Variants in PLXNA2 observed in about 807,000 individuals in gnomAD.
PLXNA2 encodes the protein plexin A2.
PLXNA2 carries 91 observed loss-of-function variants against 193.5 expected under a neutral mutation model. The ratio of observed to expected loss-of-function variants is 0.47; its 90% CI spans 0.40 to 0.56. The LOEUF (loss-of-function observed/expected upper bound fraction) is 0.56, where lower values mean the gene tolerates loss of function less well. PLXNA2 is among the 20% of genes least tolerant of loss of function. The pLI, the probability that PLXNA2 is intolerant of heterozygous loss-of-function variation, is 0.00. For missense variants in PLXNA2, 1,995 were observed against 2,503.2 expected (o/e 0.80, Z 4.33); for synonymous variants, 997 against 1,027.3 (o/e 0.97, Z 0.56).
At chr1:208,211,956 G>C (rs568812417) in intron 2 of PLXNA2, among the ~76,000 whole-genome samples, 2 of 152,340 alleles carry the variant, frequency 1.3e-5, no homozygotes, top group African/African-American at 4.8e-5. Flanking sequence ...TGCTCAGCAC[G>C]GGGCTGGGTC....
Position 208,031,663 on chromosome 1 carries a change from C to T in PLXNA2, c.5152G>A (p.Asp1718Asn). ...ALPLAIKYMF[D>N]FLDEQADRHS... ...CTGTCTGCCTGCTCATCTAGGAAATCAAACATGTACTTGATGGCCAGGGGG... is the reference window on the plus strand; with the variant it reads ...CTGTCTGCCTGCTCATCTAGGAAATTAAACATGTACTTGATGGCCAGGGGG... The change falls in exon 29 of 32, where the codon GAT (aspartate) becomes AAT (asparagine). Residue 1718 changes from aspartate (D) to asparagine (N), a missense_variant. Physicochemically the swap from Asp to Asn is conservative, Grantham distance 23. This residue lies in a region of PLXNA2 where 1,291 missense variants were observed against 1,673.6 expected (regional missense o/e 0.77). Transcript: ENST00000367033. 8.1e-6 allele frequency: 13 copies of T among 1,613,864 alleles called. No homozygotes were observed. Among genetic ancestry groups the T allele is most frequent in the Non-Finnish European group, 1.1e-5 (13 of 1,179,976 alleles).
intron 4 of PLXNA2, among the ~76,000 whole-genome samples, chr1:208,136,099 C>G (rs1668292917): frequency 6.6e-6 from 1 of 152,116 alleles, no homozygotes; most frequent in Admixed American, 6.6e-5. Context: ...CTTCCACTTC[C>G]CAGACATGTA....
intron 31 of PLXNA2, 74 bp downstream of exon 31, chr1:208,027,935 A>T: frequency 7.3e-7 from 1 of 1,364,324 alleles, no homozygotes. Context: ...CTAAATTGCC[A>T]TCTATTTAAG....
intron 10 of PLXNA2, 103 bp downstream of exon 10, chr1:208,084,277 G>T: frequency 8.0e-7 from 1 of 1,243,460 alleles, no homozygotes; most frequent in Non-Finnish European, 1.1e-6. Flanking sequence ...CTCAGCCTGT[G>T]AACCTGGAAG....
chr1:208,129,088 T>G (rs1379660272), intron 4 of PLXNA2, among the ~76,000 whole-genome samples: 1 of 152,172 alleles, frequency 6.6e-6, no homozygotes, highest in Non-Finnish European at 1.5e-5. Flanking sequence ...CTGCCTGTAA[T>G]AAATGCTGCA....
intron 1 of PLXNA2, among the ~76,000 whole-genome samples, chr1:208,242,985 G>A (rs566373073): frequency 7.1e-4 from 108 of 152,276 alleles, no homozygotes; most frequent in Non-Finnish European, 1.2e-3. Flanking sequence ...GCACTCCTGT[G>A]GTGCTCAAAC....
At chr1:208,172,350 G>C (rs1191799669) in intron 3 of PLXNA2, among the ~76,000 whole-genome samples, 1 of 152,020 alleles carries the variant, frequency 6.6e-6, no homozygotes, top group Non-Finnish European at 1.5e-5. Flanking sequence ...TTTGTAAAAA[G>C]TGTGTTCTGT....
rs147966468 is a variant in PLXNA2, at chr1:208,060,420, C to T, written c.2738+266G>A. On this transcript the variant is annotated intron_variant, in intron 13 of 31. Coordinates refer to ENST00000367033, the MANE Select transcript of PLXNA2 (RefSeq NM_025179.4). The stretch of plus-strand genomic sequence containing the variant: ...AGGAGGAAATGCTCAGTCACACTGG[C>T]GGGCAGGCAAAGACTGAATGAGGGA... Among the ~76,000 whole-genome samples the T allele has an allele frequency of 1.5e-3, 231 of 152,228 alleles. 1 individual carries two copies. The highest frequency in any genetic ancestry group is 5.0e-3 in the African/African-American group (208 of 41,540).
chr1:208,095,938 G>A (rs1666870464), intron 8 of PLXNA2, 91 bp downstream of exon 8: 3 of 967,344 alleles, frequency 3.1e-6, no homozygotes, highest in Non-Finnish European at 5.0e-6. Flanking sequence ...CTACAACGTG[G>A]TTCCTGCCCT....
At chr1:208,191,247 C>G (rs1443176079) in intron 3 of PLXNA2, among the ~76,000 whole-genome samples, 3 of 152,208 alleles carry the variant, frequency 2.0e-5, no homozygotes, top group Admixed American at 2.0e-4. Flanking sequence ...CTGCAAGCGC[C>G]TTTGACTCAC....
At chr1:208,151,090 A>C (rs1186068648) in intron 3 of PLXNA2, among the ~76,000 whole-genome samples, 1 of 152,250 alleles carries the variant, frequency 6.6e-6, no homozygotes, top group African/African-American at 2.4e-5. Flanking sequence ...GGGAAACAAT[A>C]AGATAAACAC....
chr1:208,186,565 C>T (rs536828529), intron 3 of PLXNA2, among the ~76,000 whole-genome samples: 9 of 152,216 alleles, frequency 5.9e-5, no homozygotes, highest in African/African-American at 2.2e-4. Flanking sequence ...TGTTTAATGA[C>T]AGTGTCAAGA....
At chr1:208,098,458 T>TCA (rs56677339) in intron 6 of PLXNA2, among the ~76,000 whole-genome samples, 27,697 of 122,992 alleles carry the variant, frequency 0.23, 3,710 homozygotes, top group Non-Finnish European at 0.3. Context: ...TCTCTCTCTC[T>TCA]CACACACACA....
chr1:208,082,457 C>A lies in PLXNA2; in HGVS notation c.2350G>T (p.Val784Leu), dbSNP rs1186345307. The A allele has an allele frequency of 2.5e-6, 4 of 1,614,158 alleles. No individual in the cohort carries two copies. Among genetic ancestry groups the A allele is most frequent in the Non-Finnish European group, 3.4e-6 (4 of 1,180,018 alleles). ...ISNLAVDFAV[V>L]WNGNFIIDNP... is the part of the protein sequence containing the mutation. Reference sequence around the variant, plus strand: ...TCAATGATGAAATTGCCGTTCCACACCACAGCGAAATCCACGGCCAGATTG... The same window carrying A: ...TCAATGATGAAATTGCCGTTCCACAACACAGCGAAATCCACGGCCAGATTG... The change falls in exon 11 of 32, where the codon GTG becomes TTG. Residue 784 changes from valine (V) to leucine (L), a missense_variant. By Grantham distance (32) the Val-to-Leu change is conservative. Transcript: ENST00000367033. The surrounding 1 kb of genome is among the most constrained non-coding windows in gnomAD (Gnocchi z 4.2).
intron 19 of PLXNA2, 33 bp downstream of exon 19, chr1:208,045,034 G>C: frequency 1.2e-6 from 2 of 1,613,436 alleles, no homozygotes; most frequent in Non-Finnish European, 1.7e-6. Flanking sequence ...CACGAGGCGG[G>C]AAGGAGGCAT....
At chr1:208,132,952 G>C (rs189509618) in intron 4 of PLXNA2, among the ~76,000 whole-genome samples, 1 of 152,186 alleles carries the variant, frequency 6.6e-6, no homozygotes, top group East Asian at 1.9e-4. Context: ...TTGAACCCAG[G>C]CTGGCTGCTC....
At chr1:208,060,900 T>C in intron 12 of PLXNA2, 63 bp from the exon 13 acceptor site, 1 of 1,503,582 alleles carries the variant, frequency 6.7e-7, no homozygotes, top group Non-Finnish European at 9.2e-7. Context: ...AGCAGCACCC[T>C]TCCCCCTCCC....
At chr1:208,053,422 C>G (rs1051622426) in intron 14 of PLXNA2, among the ~76,000 whole-genome samples, 9 of 152,146 alleles carry the variant, frequency 5.9e-5, no homozygotes, top group African/African-American at 2.2e-4. Flanking sequence ...TGCCCCTGCC[C>G]TGGGTAAGAG....
At chr1:208,146,639 G>T (rs1206032092) in intron 3 of PLXNA2, among the ~76,000 whole-genome samples, 5 of 152,196 alleles carry the variant, frequency 3.3e-5, no homozygotes, top group African/African-American at 4.8e-5. Context: ...TGAGGGGAGT[G>T]TCAAGGAGTC....
Sources: gnomAD v4.1 joint callset for allele counts (sites outside exome capture counted in the v4.1 genomes callset) on GRCh38, gnomAD v4.1.1 for gene constraint, gnomAD v4.1.1 regional missense constraint, Gnocchi (gnomAD v3.1) non-coding constraint, MANE v1.5 for transcripts, NCBI Gene and HGNC (gene_info 2026-07-23, HGNC 2026-07-21) for gene names.